The following SLC44A2 variants were observed in gnomAD, a reference collection of about 807,000 sequenced individuals.
SLC44A2 encodes choline transporter-like protein 2.
A neutral mutation model predicts 90.8 loss-of-function variants in SLC44A2; 57 were observed. The observed-to-expected ratio is 0.63, with a 90% CI of 0.51 to 0.78. The LOEUF is 0.78. Among genes scored for constraint, SLC44A2 ranks in the 30% least tolerant of loss-of-function variants. The probability of loss-of-function intolerance (pLI) is 0.00; values close to 1 mark genes in which losing one functional copy is unlikely to be tolerated. For missense variants in SLC44A2, 794 were observed against 919.7 expected (o/e 0.86, Z 1.77); for synonymous variants, 355 against 360.7 (o/e 0.98, Z 0.18).
chr19:10,605,426 A>G (rs1918074473), intron 1 of SLC44A2, among the ~76,000 whole-genome samples: 1 of 152,150 alleles, frequency 6.6e-6, no homozygotes, highest in African/African-American at 2.4e-5. Context: ...AGGCAGGAGA[A>G]TCGCTTGAAC....
At chr19:10,629,500 A>G (rs540707753) in intron 4 of SLC44A2, among the ~76,000 whole-genome samples, 1 of 151,234 alleles carries the variant, frequency 6.6e-6, no homozygotes, top group South Asian at 2.1e-4. Context: ...CTGGTCTCGA[A>G]CTCCTGACCT....
intron 20 of SLC44A2, 91 bp from the exon 21 acceptor site, chr19:10,642,276 A>C: frequency 1.9e-6 from 2 of 1,034,422 alleles, no homozygotes; most frequent in Non-Finnish European, 1.5e-6. Flanking sequence ...CAGCAGGGGA[A>C]GGATGTGGTC....
At chr19:10,635,618 T>G in intron 14 of SLC44A2, 103 bp downstream of exon 14, 1 of 1,031,178 alleles carries the variant, frequency 9.7e-7, no homozygotes, top group Non-Finnish European at 1.5e-6. Flanking sequence ...AATTGGCCCC[T>G]GTTGCATGTC....
At chr19:10,602,513 C>T (rs1195781230) in exon 1 of SLC44A2, 5 of 1,268,548 alleles carry the variant, frequency 3.9e-6, no homozygotes, top group Non-Finnish European at 5.0e-6. Flanking sequence ...GGACTCCGCT[C>T]CCCGCCCCGC....
At chr19:10,641,121 A>G in intron 20 of SLC44A2, 1 of 398,352 alleles carries the variant, frequency 2.5e-6, no homozygotes, top group Non-Finnish European at 4.8e-6. Context: ...AGCCAGACGC[A>G]GGGGCCCACA....
At chr19:10,620,861 G>C (rs542115405), upstream of SLC44A2, among the ~76,000 whole-genome samples, 1 of 152,096 alleles carries the variant, frequency 6.6e-6, no homozygotes, top group African/African-American at 2.4e-5. Context: ...GCAACATAGC[G>C]AGACACTGGT....
In SLC44A2 at chr19:10,625,575, A is replaced by T; in HGVS notation, c.-59A>T. 1 of 1,229,782 alleles carries T rather than the reference A, an allele frequency of 8.1e-7. No homozygotes were observed. Among genetic ancestry groups the T allele is most frequent in the Middle Eastern group, 2.9e-4 (1 of 3,438 alleles). 76.2% of individuals were successfully genotyped at this position (1,229,782 alleles called of 1,614,324 possible). A position where few individuals can be genotyped will look rare whatever the true frequency, so the allele number is the denominator to read the frequency against. ...GTCAGTGCCTCCCTCCAGACTCGGG[A>T]GGGTCGAGGGGGCGCGGGAGAGAGC... On this transcript the variant is annotated 5_prime_UTR_variant, in exon 1 of 22. Coordinates refer to ENST00000335757, the MANE Select transcript of SLC44A2 (RefSeq NM_020428.4).
At chr19:10,607,094 T>C (rs1198307370) in intron 1 of SLC44A2, among the ~76,000 whole-genome samples, 1 of 151,674 alleles carries the variant, frequency 6.6e-6, no homozygotes, top group Non-Finnish European at 1.5e-5. Flanking sequence ...TTGTATTTTT[T>C]AGTAGAGACC....
intron 20 of SLC44A2, among the ~76,000 whole-genome samples, chr19:10,640,033 A>G (rs2067098430): frequency 6.6e-6 from 1 of 150,390 alleles, no homozygotes; most frequent in Non-Finnish European, 1.5e-5. Context: ...TAGTTCTAAG[A>G]TGAGTAAGAG....
chr19:10,625,472 G>C (rs2066922204), upstream of SLC44A2: 3 of 1,217,936 alleles, frequency 2.5e-6, no homozygotes, highest in Non-Finnish European at 3.1e-6. Flanking sequence ...CTGGGCAGCT[G>C]CCCAGCTCGG....
intron 1 of SLC44A2, among the ~76,000 whole-genome samples, chr19:10,617,798 T>G (rs1332054847): frequency 4.0e-5 from 6 of 151,718 alleles, no homozygotes; most frequent in Admixed American, 1.3e-4. Context: ...AGGTAGTGAG[T>G]TCGCTTTGCT....
At chr19:10,639,558 G>A (rs1006952498) in intron 20 of SLC44A2, among the ~76,000 whole-genome samples, 2 of 152,060 alleles carry the variant, frequency 1.3e-5, no homozygotes, top group Admixed American at 6.6e-5. Context: ...CCAGGAAGCA[G>A]TGGGGCTGAC....
chr19:10,637,533 G>A (rs752550343), intron 16 of SLC44A2, 111 bp from the exon 17 acceptor site: 266 of 949,708 alleles, frequency 2.8e-4, no homozygotes, highest in Non-Finnish European at 4.2e-4. Flanking sequence ...CTTTGACAGC[G>A]TGGACTCAGG....
At position 10,644,247 on chromosome 19, in the gene SLC44A2, G is replaced by A. The variant is rs1410606335; in HGVS notation, c.*862G>A. 1 of 152,644 alleles carries A rather than the reference G, an allele frequency of 6.6e-6. No individual in the cohort carries two copies. The highest frequency in any genetic ancestry group is 1.5e-5 in the Non-Finnish European group (1 of 68,052). 9.5% of individuals were successfully genotyped at this position (152,644 alleles called of 1,614,324 possible). ...GGATGATGTCAGGGGGAGAGGTGGA[G>A]GGCAGATGTCCTGGGCAAACCGGGC... On this transcript the variant is annotated 3_prime_UTR_variant, in exon 22 of 22. Transcript: ENST00000335757.
chr19:10,614,632 C>T (rs765634480), intron 1 of SLC44A2, among the ~76,000 whole-genome samples: 1 of 152,134 alleles, frequency 6.6e-6, no homozygotes, highest in African/African-American at 2.4e-5. Flanking sequence ...CATATTGTGT[C>T]TCTGTATTAT....
intron 1 of SLC44A2, among the ~76,000 whole-genome samples, chr19:10,615,051 T>TG (rs949072464): frequency 3.3e-5 from 5 of 149,746 alleles, no homozygotes; most frequent in African/African-American, 1.2e-4. Context: ...TTTTTTTTTT[T>TG]GCCATTCCTT....
chr19:10,631,572 G>T, intron 7 of SLC44A2, 37 bp downstream of exon 7: 1 of 1,613,992 alleles, frequency 6.2e-7, no homozygotes, highest in Non-Finnish European at 8.5e-7. Context: ...AGGTGGTGAC[G>T]GGGAGGCTCT....
At position 10,607,747 on chromosome 19, in the gene SLC44A2, A is replaced by T. The variant is rs201064103; in HGVS notation, c.31+5186A>T. Reference sequence around the variant, plus strand: ...TCCTCAATCATTTATTATTATTATTATTATTTTTTTTTTTTTGAGACGGAG... The same window carrying T: ...TCCTCAATCATTTATTATTATTATTTTTATTTTTTTTTTTTTGAGACGGAG... On this transcript the variant is annotated intron_variant, in intron 1 of 21. Transcript: ENST00000407327. 3.8e-3 allele frequency among the ~76,000 whole-genome samples: 447 copies of T among 118,616 alleles called. 4 individuals are homozygous for T. Among genetic ancestry groups the T allele is most frequent in the Admixed American group, 0.018 (193 of 10,756 alleles). 77.8% of individuals were successfully genotyped at this position (118,616 alleles called of 152,430 possible).
intron 16 of SLC44A2, 195 bp downstream of exon 16, chr19:10,636,951 G>A (rs1432707826): frequency 3.3e-6 from 2 of 597,856 alleles, no homozygotes; most frequent in African/African-American, 1.9e-5. Flanking sequence ...AGAACCTACT[G>A]GGTGGAATTC....
Sources: allele counts gnomAD v4.1 joint callset (sites outside exome capture counted in the v4.1 genomes callset), GRCh38; gene constraint gnomAD v4.1.1; transcripts MANE v1.5; gene names NCBI Gene and HGNC (gene_info 2026-07-23, HGNC 2026-07-21).